The following BCO2 variants were observed in gnomAD, a reference collection of about 807,000 sequenced individuals.
BCO2 encodes carotenoid-cleaving dioxygenase, mitochondrial.
BCO2 carries 56 observed loss-of-function variants against 65.8 expected under a neutral mutation model. The ratio of observed to expected loss-of-function variants is 0.85; its 90% confidence interval spans 0.69 to 1.06. The LOEUF (loss-of-function observed/expected upper bound fraction) is 1.06. Among genes scored for constraint, BCO2 ranks in the 50% least tolerant of loss-of-function variants. The pLI is 0.00. For synonymous variants in BCO2, 233 were observed against 242.3 expected (o/e 0.96, Z 0.36); for missense variants, 675 against 698.5 (o/e 0.97, Z 0.38).
At chr11:112,215,274 G>A in intron 10 of BCO2, 1 of 322,338 alleles carries the variant, frequency 3.1e-6, no homozygotes, top group South Asian at 3.0e-5. Context: ...ATGGAATCTG[G>A]GACTGCAAAG....
intron 9 of BCO2, among the ~76,000 whole-genome samples, chr11:112,214,112 G>A (rs1041733109): frequency 1.3e-5 from 2 of 151,984 alleles, no homozygotes; most frequent in African/African-American, 4.8e-5. Context: ...CTATCCATTT[G>A]AGCTTGGCAT....
intron 8 of BCO2, among the ~76,000 whole-genome samples, chr11:112,210,318 C>T (rs1045617548): frequency 6.6e-6 from 1 of 152,048 alleles, no homozygotes; most frequent in Non-Finnish European, 1.5e-5. Context: ...TGGTTATTTC[C>T]TTTCATTTGC....
chr11:112,178,326 A>G (rs1028796081), intron 1 of BCO2, among the ~76,000 whole-genome samples: 4 of 152,202 alleles, frequency 2.6e-5, no homozygotes, highest in South Asian at 2.1e-4. Flanking sequence ...GTTACATGTC[A>G]TATAGGGGAG....
intron 6 of BCO2, 99 bp downstream of exon 6, chr11:112,199,926 CTATG>C: frequency 8.6e-6 from 12 of 1,393,604 alleles, no homozygotes; most frequent in East Asian, 2.3e-5. Flanking sequence ...GTTTATCACG[CTATG>C]GTGATAATGA....
chr11:112,179,956 A>G (rs1866988949), intron 2 of BCO2: 1 of 162,182 alleles, frequency 6.2e-6, no homozygotes, highest in African/African-American at 2.4e-5. Flanking sequence ...TGTCAACTCA[A>G]ATCTCATGTC....
At position 112,202,092 on chromosome 11, in the gene BCO2, G is replaced by T; in HGVS notation, c.1096G>T (p.Gly366Cys). The T allele has an allele frequency of 6.2e-7, 1 of 1,613,876 alleles. No individual in the cohort carries two copies. The highest frequency in any genetic ancestry group is 8.5e-7 in the Non-Finnish European group (1 of 1,179,882). The change falls in exon 8 of 12, where the codon GGC becomes TGC. Residue 366 changes from glycine to cysteine, a missense_variant. Physicochemically the swap from Gly to Cys is radical, Grantham distance 159. Transcript: ENST00000357685. ...TCAAATCAATGCCTTTGAGGACCAGGGCTGTGTTATAATTGATTTGTGCTG... is the reference window on the plus strand; with the variant it reads ...TCAAATCAATGCCTTTGAGGACCAGTGCTGTGTTATAATTGATTTGTGCTG... The part of the protein sequence containing the change: ...FHQINAFEDQ[G>C]CVIIDLCCQD...
intron 8 of BCO2, among the ~76,000 whole-genome samples, chr11:112,206,841 A>G (rs868580433): frequency 1.6e-4 from 24 of 152,340 alleles, no homozygotes; most frequent in African/African-American, 5.3e-4. Context: ...CAATCCATGA[A>G]CATGGAATAT....
At chr11:112,185,101 T>A (rs1307456841) in intron 2 of BCO2, among the ~76,000 whole-genome samples, 3 of 152,212 alleles carry the variant, frequency 2.0e-5, no homozygotes, top group African/African-American at 7.2e-5. Flanking sequence ...TATTGAGAAA[T>A]AATCTATTTT....
intron 8 of BCO2, among the ~76,000 whole-genome samples, chr11:112,205,826 T>C (rs1867851346): frequency 6.6e-6 from 1 of 152,178 alleles, no homozygotes; most frequent in Non-Finnish European, 1.5e-5. Flanking sequence ...CTCAAACTTC[T>C]GGGCTCAAGT....
In BCO2 at chr11:112,213,444, C is replaced by G. The variant is rs369113403; in HGVS notation, c.1195-280C>G. On this transcript the variant is annotated intron_variant, in intron 8 of 11. Coordinates refer to ENST00000357685, the MANE Select transcript of BCO2 (RefSeq NM_031938.7). ...AGGAATGAGCCACCGCACCTGGCCA[C>G]AAATATTTTATAATTTTTAAATTTC... Among the ~76,000 whole-genome samples the G allele has an allele frequency of 9.9e-5, 15 of 152,050 alleles. No individual in the cohort carries two copies. The East Asian group carries it at 2.9e-3, about 29-fold the overall frequency.
intron 8 of BCO2, among the ~76,000 whole-genome samples, chr11:112,211,321 C>T (rs201290128): frequency 5.0e-5 from 1 of 19,998 alleles, no homozygotes; most frequent in Non-Finnish European, 1.5e-4. Flanking sequence ...CGATTGTATA[C>T]ACACACACAC....
At chr11:112,210,274 GT>G (rs904114585) in intron 8 of BCO2, among the ~76,000 whole-genome samples, 5 of 152,128 alleles carry the variant, frequency 3.3e-5, no homozygotes, top group African/African-American at 4.8e-5. Flanking sequence ...GTTTATTTTG[GT>G]TTTTAATCAT....
chr11:112,217,910 A>G lies in BCO2; in HGVS notation c.*36A>G. 3 of 1,427,650 alleles carry G rather than the reference A, an allele frequency of 2.1e-6. No homozygotes were observed. Among genetic ancestry groups the G allele is most frequent in the South Asian group, 1.2e-5 (1 of 83,392 alleles). 88.4% of individuals were successfully genotyped at this position (1,427,650 alleles called of 1,614,324 possible). A position where few individuals can be genotyped will look rare whatever the true frequency, so the allele number is the denominator to read the frequency against. ...ACAAGGTCTGGAAACTAGGTTTAAAATAAGTGTGCACTTGGACATAAAGAC... is the reference window on the plus strand; with the variant it reads ...ACAAGGTCTGGAAACTAGGTTTAAAGTAAGTGTGCACTTGGACATAAAGAC... On this transcript the variant is annotated 3_prime_UTR_variant, in exon 12 of 12. Coordinates refer to ENST00000357685, the MANE Select transcript of BCO2 (RefSeq NM_031938.7).
At chr11:112,208,243 T>C (rs1859402724) in intron 8 of BCO2, among the ~76,000 whole-genome samples, 2 of 152,194 alleles carry the variant, frequency 1.3e-5, no homozygotes, top group South Asian at 4.1e-4. Flanking sequence ...ATTACAGGAA[T>C]GAGTCACCGC....
At position 112,182,905 on chromosome 11, in the gene BCO2, T is replaced by C. The variant is rs543311753; in HGVS notation, c.293+3423T>C. 24 of 1,291,520 alleles carry C rather than the reference T, an allele frequency of 1.9e-5. No homozygotes were observed. In the South Asian group the frequency reaches 2.4e-4, roughly 13 times the overall value. 80.0% of individuals were successfully genotyped at this position (1,291,520 alleles called of 1,614,324 possible). Reference sequence around the variant, plus strand: ...GGAGCATCCCTGAAACTGTGTAATTTTGAGGATCCTTCTGGTCTTAAAGCC... The same window carrying C: ...GGAGCATCCCTGAAACTGTGTAATTCTGAGGATCCTTCTGGTCTTAAAGCC... On this transcript the variant is annotated intron_variant, in intron 2 of 11. Transcript: ENST00000357685.
intron 8 of BCO2, among the ~76,000 whole-genome samples, chr11:112,211,860 T>C (rs937112078): frequency 2.0e-5 from 3 of 152,196 alleles, no homozygotes; most frequent in African/African-American, 7.2e-5. Flanking sequence ...CAGGCAGCTG[T>C]TTTAAACATT....
chr11:112,189,404 A>T lies in BCO2; in HGVS notation c.294-4070A>T, dbSNP rs6589265. Among the ~76,000 whole-genome samples the T allele has an allele frequency of 1.9e-3, 148 of 79,458 alleles. 9 individuals are homozygous for T. Among genetic ancestry groups the T allele is most frequent in the African/African-American group, 3.2e-3 (69 of 21,414 alleles). 52.1% of individuals were successfully genotyped at this position (79,458 alleles called of 152,430 possible). On this transcript the variant is annotated intron_variant, in intron 2 of 11. Transcript: ENST00000357685. ...TTAAACAAAATTGATAGAAAAGGAA[A>T]TTTTTTTTTTTTTTTTTTTGAGACA...
In BCO2 at chr11:112,217,878, G is replaced by A; in HGVS notation, c.*4G>A. 1.3e-6 allele frequency: 2 copies of A among 1,587,898 alleles called. No individual in the cohort carries two copies. The highest frequency in any genetic ancestry group is 1.7e-6 in the Non-Finnish European group (2 of 1,159,938). ...TGGTACCTTCATACCCATCTGATGG[G>A]ACAACCACAAGGTCTGGAAACTAGG... On this transcript the variant is annotated 3_prime_UTR_variant, in exon 12 of 12. Coordinates refer to ENST00000357685, the MANE Select transcript of BCO2 (RefSeq NM_031938.7).
chr11:112,216,438 C>G, intron 11 of BCO2, 108 bp downstream of exon 11: 1 of 730,532 alleles, frequency 1.4e-6, no homozygotes. Context: ...TTCCTTTTCC[C>G]TTCTCTTCCC....
Sources: allele counts gnomAD v4.1 joint callset (sites outside exome capture counted in the v4.1 genomes callset), GRCh38; gene constraint gnomAD v4.1.1; transcripts MANE v1.5; gene names NCBI Gene and HGNC (gene_info 2026-07-23, HGNC 2026-07-21).